The following SLC6A6 variants were observed in gnomAD, a reference collection of about 807,000 sequenced individuals.
SLC6A6 encodes the protein sodium- and chloride-dependent taurine transporter.
Under a neutral mutation model 68.8 loss-of-function variants are expected in SLC6A6, and 16 were observed. The ratio of observed to expected loss-of-function variants is 0.23; its 90% CI spans 0.16 to 0.35. SLC6A6 has a LOEUF of 0.35. Among genes scored for constraint, SLC6A6 ranks in the 10% least tolerant of loss-of-function variants. The pLI is 1.00. For synonymous variants in SLC6A6, 312 were observed against 315.4 expected, an observed-to-expected ratio of 0.99 and a Z score of 0.12; for missense variants, 474 against 802.8, an observed-to-expected ratio of 0.59 and a Z score of 4.95.
At chr3:14,418,543 A>G (rs1699415563) in intron 2 of SLC6A6, among the ~76,000 whole-genome samples, 1 of 152,220 alleles carries the variant, frequency 6.6e-6, no homozygotes, top group Non-Finnish European at 1.5e-5. Context: ...CAGCCTCCAC[A>G]GGCGTCATCA....
At position 14,467,840 on chromosome 3, in the gene SLC6A6, C is replaced by T. The variant is rs764786949; in HGVS notation, c.868-13C>T. On this transcript the variant is annotated splice_polypyrimidine_tract_variant and intron_variant, in intron 7 of 14. Transcript: ENST00000622186. The stretch of plus-strand genomic sequence containing the variant: ...CCTCCTCTCTTTCCTTGCCACCTCC[C>T]TCCCCCTCATAGGTGTGGATTGACG... 17 of 1,566,760 alleles carry T rather than the reference C, an allele frequency of 1.1e-5. No homozygotes were observed. Among genetic ancestry groups the T allele is most frequent in the Non-Finnish European group, 1.4e-5 (16 of 1,143,544 alleles).
rs551552632 is a variant in SLC6A6, at chr3:14,487,447, G to A, written c.*2440G>A. The stretch of plus-strand genomic sequence containing the variant: ...TCAACCTTCATGTCTCCGTATAAAC[G>A]AAACTTTCCATGAGAGCTCATGACT... On this transcript the variant is annotated 3_prime_UTR_variant, in exon 15 of 15. Transcript: ENST00000622186. 2.6e-5 allele frequency: 4 copies of A among 152,408 alleles called. No homozygotes were observed. Among genetic ancestry groups the A allele is most frequent in the East Asian group, 3.9e-4 (2 of 5,180 alleles). The allele number at this position is 152,408 out of a possible 1,614,324, so 9.4% of individuals were successfully genotyped here.
intron 6 of SLC6A6, among the ~76,000 whole-genome samples, chr3:14,461,776 AACAGCCAGGGCGCTGAGG>A: frequency 6.6e-6 from 1 of 152,272 alleles, no homozygotes; most frequent in Middle Eastern, 3.4e-3. Flanking sequence ...GCCCCTCACC[AACAGCCAGGGCGCTGAGG>A]ATCCTTAGGG....
rs113673472 is a variant in SLC6A6, at chr3:14,485,159, C to CGTGT, written c.*167_*170dup. On this transcript the variant is annotated 3_prime_UTR_variant, in exon 15 of 15. Transcript: ENST00000622186. ...ATGTAATTGTGGGTATGTGTGCGTGCGTGTGTGTGTGTGTGTGTATCGTGT... is the reference window on the plus strand; with the variant it reads ...ATGTAATTGTGGGTATGTGTGCGTGCGTGTGTGTGTGTGTGTGTGTGTATCGTGT... 0.33 allele frequency: 154,378 copies of CGTGT among 461,202 alleles called. 25,801 individuals are homozygous for CGTGT. Among genetic ancestry groups the CGTGT allele is most frequent in the African/African-American group, 0.75 (35,613 of 47,542 alleles). The allele number at this position is 461,202 out of a possible 1,614,324, so 28.6% of individuals were successfully genotyped here.
intron 2 of SLC6A6, among the ~76,000 whole-genome samples, chr3:14,418,119 G>C (rs1400057105): frequency 6.6e-6 from 1 of 152,186 alleles, no homozygotes; most frequent in Non-Finnish European, 1.5e-5. Context: ...CTCGCCATCT[G>C]CTGTGCTCTG....
chr3:14,408,390 A>C (rs1699157936), intron 1 of SLC6A6, among the ~76,000 whole-genome samples: 1 of 150,558 alleles, frequency 6.6e-6, no homozygotes, highest in South Asian at 2.1e-4. Flanking sequence ...GCTGGAGTGC[A>C]GTGGCTTGAC....
chr3:14,407,086 G>A (rs895919284), intron 1 of SLC6A6, among the ~76,000 whole-genome samples: 4 of 151,528 alleles, frequency 2.6e-5, no homozygotes, highest in Non-Finnish European at 5.9e-5. Flanking sequence ...GTCTGACTTC[G>A]TTGCCCAGGC....
At chr3:14,471,411 C>T (rs900844430) in intron 9 of SLC6A6, among the ~76,000 whole-genome samples, 1 of 152,150 alleles carries the variant, frequency 6.6e-6, no homozygotes, top group Admixed American at 6.5e-5. Flanking sequence ...ATGGTGTCTA[C>T]CTCTGAGAAT....
chr3:14,475,220 C>T (rs560273250), intron 10 of SLC6A6, among the ~76,000 whole-genome samples: 21 of 150,302 alleles, frequency 1.4e-4, no homozygotes, highest in Admixed American at 1.1e-3. Flanking sequence ...TTTGTAGAAA[C>T]AGGGTTTTGT....
rs1701145852 is a variant in SLC6A6 at position 14,485,863 on chromosome 3, C to T, written c.*856C>T. Reference sequence around the variant, plus strand: ...CAAGAAGGCTGGCAGGAGTGAGGCTCACAACTCAGCCTCGCAAGAGGTGGC... The same window carrying T: ...CAAGAAGGCTGGCAGGAGTGAGGCTTACAACTCAGCCTCGCAAGAGGTGGC... On this transcript the variant is annotated 3_prime_UTR_variant, in exon 15 of 15. Coordinates refer to ENST00000622186, the MANE Select transcript of SLC6A6 (RefSeq NM_003043.6). 1 of 152,482 alleles carries T rather than the reference C, an allele frequency of 6.6e-6. No individual in the cohort carries two copies. The highest frequency in any genetic ancestry group is 2.4e-5 in the African/African-American group (1 of 41,432). The allele number at this position is 152,482 out of a possible 1,614,324, so 9.4% of individuals were successfully genotyped here. A position where few individuals can be genotyped will look rare whatever the true frequency, so the allele number is the denominator to read the frequency against.
At chr3:14,473,301 C>T (rs1700796374) in intron 10 of SLC6A6, among the ~76,000 whole-genome samples, 1 of 152,182 alleles carries the variant, frequency 6.6e-6, no homozygotes, top group Non-Finnish European at 1.5e-5. Flanking sequence ...GTGCCCAGCC[C>T]AGCATGAGCC....
chr3:14,477,432 AG>A lies in SLC6A6; in HGVS notation c.1347+92del. On this transcript the variant is annotated intron_variant, in intron 11 of 14. Transcript: ENST00000622186. The surrounding 1 kb of genome is among the most constrained non-coding windows in gnomAD (Gnocchi z 4.2). Reference sequence around the variant, plus strand: ...GAGGCAGCAGCTGGGTGAGAGGGCCAGGTAGGGGCTTCATCTCCCAGCCCCA... The same window carrying A: ...GAGGCAGCAGCTGGGTGAGAGGGCCAGTAGGGGCTTCATCTCCCAGCCCCA... The A allele has an allele frequency of 7.5e-7, 1 of 1,326,946 alleles. No homozygotes were observed. Among genetic ancestry groups the A allele is most frequent in the Non-Finnish European group, 1.1e-6 (1 of 938,086 alleles). 82.2% of individuals were successfully genotyped at this position (1,326,946 alleles called of 1,614,324 possible).
intron 1 of SLC6A6, among the ~76,000 whole-genome samples, chr3:14,412,625 C>A (rs561066498): frequency 1.5e-3 from 227 of 152,292 alleles, no homozygotes; most frequent in African/African-American, 5.2e-3. Flanking sequence ...CGTGCCACCG[C>A]ACTCCAGCCT....
chr3:14,441,491 G>T (rs1699985913), intron 2 of SLC6A6, among the ~76,000 whole-genome samples: 1 of 152,170 alleles, frequency 6.6e-6, no homozygotes, highest in East Asian at 1.9e-4. Flanking sequence ...ACAGAGGAAG[G>T]GCTCCATGAG....
At position 14,485,104 on chromosome 3, in the gene SLC6A6, AT is replaced by A. The variant is rs35363110; in HGVS notation, c.*110del. The A allele has an allele frequency of 0.44, 331,037 of 760,048 alleles. 33,444 individuals are homozygous for A. Among genetic ancestry groups the A allele is most frequent in the Non-Finnish European group, 0.47 (241,230 of 518,332 alleles). The allele number at this position is 760,048 out of a possible 1,614,324, so 47.1% of individuals were successfully genotyped here. On this transcript the variant is annotated 3_prime_UTR_variant, in exon 15 of 15. Transcript: ENST00000622186. ...TACAGAGCTTTATATTTGCACTAGG[AT>A]TTTTTTTTTTTTGTAATTGTCACAG...
At chr3:14,456,110 C>G (rs974796965) in intron 5 of SLC6A6, among the ~76,000 whole-genome samples, 1 of 152,182 alleles carries the variant, frequency 6.6e-6, no homozygotes, top group African/African-American at 2.4e-5. Context: ...ACCCACCAAG[C>G]CTTCATTTTC....
intron 3 of SLC6A6, among the ~76,000 whole-genome samples, chr3:14,445,353 G>A (rs999266527): frequency 2.6e-5 from 4 of 151,734 alleles, no homozygotes; most frequent in African/African-American, 4.8e-5. Context: ...CCCAGGAGGC[G>A]GAGCTTGCAG....
chr3:14,412,808 A>G (rs182692309), intron 1 of SLC6A6, among the ~76,000 whole-genome samples: 5 of 152,012 alleles, frequency 3.3e-5, no homozygotes, highest in Admixed American at 6.5e-5. Flanking sequence ...TGCTTCGTCA[A>G]CTCCTCTTCT....
chr3:14,449,175 C>A (rs984891369), intron 5 of SLC6A6, among the ~76,000 whole-genome samples: 1 of 152,238 alleles, frequency 6.6e-6, no homozygotes, highest in South Asian at 2.1e-4. Context: ...AAGAAGGGGT[C>A]GGTTGCCCTC....
Sources: gnomAD v4.1 joint callset for allele counts (sites outside exome capture counted in the v4.1 genomes callset) on GRCh38, gnomAD v4.1.1 for gene constraint, Gnocchi (gnomAD v3.1) non-coding constraint, MANE v1.5 for transcripts, NCBI Gene and HGNC (gene_info 2026-07-23, HGNC 2026-07-21) for gene names.